ROCK2: variants seen among roughly 807,000 people sequenced by gnomAD.
ROCK2 encodes the protein rho-associated protein kinase 2.
A neutral mutation model predicts 195.1 loss-of-function variants in ROCK2; 61 were observed. That is an observed-to-expected ratio of 0.31 (90% CI 0.25 to 0.39). The LOEUF is 0.39. Among genes scored for constraint, ROCK2 ranks in the 10% least tolerant of loss-of-function variants. The probability of loss-of-function intolerance (pLI) is 1.00; values close to 1 mark genes in which losing one functional copy is unlikely to be tolerated. For missense variants in ROCK2, 1,109 were observed against 1,637.4 expected, an observed-to-expected ratio of 0.68 and a Z score of 5.57; for synonymous variants, 504 against 545.5, an observed-to-expected ratio of 0.92 and a Z score of 1.06.
At chr2:11,241,487 A>G (rs1302624611) in intron 4 of ROCK2, among the ~76,000 whole-genome samples, 4 of 152,196 alleles carry the variant, frequency 2.6e-5, no homozygotes, top group South Asian at 2.1e-4. Flanking sequence ...CTATAAACCC[A>G]TAATTCTAAG....
upstream of ROCK2, among the ~76,000 whole-genome samples, chr2:11,344,922 C>T (rs975100750): frequency 1.5e-5 from 2 of 130,726 alleles, no homozygotes; most frequent in African/African-American, 5.0e-5. The surrounding 1 kb of genome is among the most constrained non-coding windows in gnomAD (Gnocchi z 5.4). Flanking sequence ...GGTCCTTCCG[C>T]GCGCCCCCTG....
In ROCK2 at chr2:11,194,306, G is replaced by T; in HGVS notation, c.3558C>A (p.Asp1186Glu). ...IVSSKKILFYDSEQDKEQSNP... is the reference protein window; with the variant it reads ...IVSSKKILFYESEQDKEQSNP... ...TGGATTGTTCTTTATCTTGTTCACT[G>T]TCATAGAAAAGAATCTTCTTACTGC... The change falls in exon 29 of 33, where the codon GAC becomes GAA. Residue 1186 changes from aspartate (D) to glutamate (E), a missense_variant. Asp to Glu is a conservative substitution (Grantham distance 45, BLOSUM62 2). This residue lies in a region of ROCK2 where 221 missense variants were observed against 355.1 expected (regional missense o/e 0.62). Coordinates refer to ENST00000315872, the MANE Select transcript of ROCK2 (RefSeq NM_004850.5). The T allele has an allele frequency of 1.4e-6, 2 of 1,474,852 alleles. No homozygotes were observed. The highest frequency in any genetic ancestry group is 9.2e-7 in the Non-Finnish European group (1 of 1,087,552). The allele number at this position is 1,474,852 out of a possible 1,614,324, so 91.4% of individuals were successfully genotyped here. A position where few individuals can be genotyped will look rare whatever the true frequency, so the allele number is the denominator to read the frequency against.
intron 3 of ROCK2, among the ~76,000 whole-genome samples, chr2:11,273,707 T>C (rs1357934770): frequency 6.6e-6 from 1 of 152,124 alleles, no homozygotes; most frequent in African/African-American, 2.4e-5. Context: ...TGGGACATTT[T>C]CCAAAACAGA....
intron 1 of ROCK2, among the ~76,000 whole-genome samples, chr2:11,289,723 A>C (rs540570471): frequency 2.0e-5 from 3 of 152,350 alleles, no homozygotes; most frequent in African/African-American, 7.2e-5. Flanking sequence ...GACATTAATA[A>C]AAGAATGAAA....
At chr2:11,259,379 G>A (rs542732432) in intron 3 of ROCK2, among the ~76,000 whole-genome samples, 1 of 151,356 alleles carries the variant, frequency 6.6e-6, no homozygotes, top group Admixed American at 6.5e-5. Context: ...CAAGACAAAT[G>A]TTTAAGCCAA....
chr2:11,291,669 G>A (rs1667367332), intron 1 of ROCK2, among the ~76,000 whole-genome samples: 1 of 152,174 alleles, frequency 6.6e-6, no homozygotes, highest in Non-Finnish European at 1.5e-5. Context: ...CAATATGATG[G>A]AGATACCCTC....
upstream of ROCK2, chr2:11,344,712 C>A: frequency 6.7e-6 from 1 of 148,300 alleles, no homozygotes; most frequent in South Asian, 1.9e-4. This position sits in a 1 kb window ranked among gnomAD's most constrained non-coding sequence, Gnocchi z 5.4. Flanking sequence ...GCCCTGCGCG[C>A]GCTCCGCCCC....
intron 18 of ROCK2, among the ~76,000 whole-genome samples, chr2:11,209,489 G>A (rs1664176304): frequency 6.6e-6 from 1 of 152,194 alleles, no homozygotes; most frequent in East Asian, 1.9e-4. Flanking sequence ...AAACGGTATA[G>A]AAAGTGGAGA....
rs115912730 is a variant in ROCK2, at chr2:11,321,752, T to C, written c.141+22244A>G. ...ACTCGATCACAAGTTTTCATATACA[T>C]ATTCATTCTTTGAAGCATCTTCAGT... On this transcript the variant is annotated intron_variant, in intron 1 of 32. Coordinates refer to ENST00000315872, the MANE Select transcript of ROCK2 (RefSeq NM_004850.5). Among the ~76,000 whole-genome samples the C allele has an allele frequency of 8.9e-3, 1,358 of 152,158 alleles. 16 individuals carry two copies. The highest frequency in any genetic ancestry group is 0.031 in the African/African-American group (1,283 of 41,522).
chr2:11,266,371 T>A (rs1003963294), intron 3 of ROCK2, among the ~76,000 whole-genome samples: 2 of 152,220 alleles, frequency 1.3e-5, no homozygotes, highest in Admixed American at 1.3e-4. Context: ...AAAGGAATTT[T>A]TCAGCTCCAT....
intron 3 of ROCK2, among the ~76,000 whole-genome samples, chr2:11,284,443 T>C (rs1667116984): frequency 6.6e-6 from 1 of 152,184 alleles, no homozygotes; most frequent in African/African-American, 2.4e-5. Flanking sequence ...GTAACAAATG[T>C]ACTCTAATGA....
chr2:11,233,639 T>C lies in ROCK2; in HGVS notation c.723+2063A>G, dbSNP rs1665101319. Among the ~76,000 whole-genome samples, 4 of 152,100 alleles carry C rather than the reference T, an allele frequency of 2.6e-5. No individual in the cohort carries two copies. The South Asian group carries it at 6.2e-4, about 24-fold the overall frequency. ...AAGGTAAATTGATTGATAGATACTA[T>C]GGAATACTAAGCAGCAGAAAGAAGC... On this transcript the variant is annotated intron_variant, in intron 5 of 32. Coordinates refer to ENST00000315872, the MANE Select transcript of ROCK2 (RefSeq NM_004850.5).
At position 11,324,979 on chromosome 2, in the gene ROCK2, A is replaced by C. The variant is rs866752890; in HGVS notation, c.141+19017T>G. Among the ~76,000 whole-genome samples the C allele has an allele frequency of 3.9e-5, 6 of 152,374 alleles. No homozygotes were observed. The South Asian group carries it at 6.2e-4, about 16-fold the overall frequency. On this transcript the variant is annotated intron_variant, in intron 1 of 32. Transcript: ENST00000315872. ...TTCTCATAATAGAAATGCTCACAAG[A>C]AGCACGAGTTTCCATCAGCAACTTC... is the stretch of plus-strand genomic sequence containing the variant.
chr2:11,340,274 T>C (rs770269634), intron 1 of ROCK2, among the ~76,000 whole-genome samples: 1 of 152,192 alleles, frequency 6.6e-6, no homozygotes, highest in African/African-American at 2.4e-5. Context: ...GGCATTATTA[T>C]TTACATCAAG....
intron 3 of ROCK2, among the ~76,000 whole-genome samples, chr2:11,253,764 A>C (rs1329106702): frequency 3.9e-5 from 6 of 152,224 alleles, no homozygotes; most frequent in Non-Finnish European, 8.8e-5. Context: ...CACACCATCA[A>C]TTTCCAGTTT....
At position 11,338,949 on chromosome 2, in the gene ROCK2, T is replaced by C. The variant is rs906132084; in HGVS notation, c.141+5047A>G. On this transcript the variant is annotated intron_variant, in intron 1 of 32. Coordinates refer to ENST00000315872, the MANE Select transcript of ROCK2 (RefSeq NM_004850.5). Reference sequence around the variant, plus strand: ...AAATCAGAAGAATGACTGCCTCTAATAGAAGAAAATGGTGTGTGAAATTAG... The same window carrying C: ...AAATCAGAAGAATGACTGCCTCTAACAGAAGAAAATGGTGTGTGAAATTAG... Among the ~76,000 whole-genome samples the C allele has an allele frequency of 5.3e-5, 8 of 151,508 alleles. 1 individual carries two copies. The highest frequency in any genetic ancestry group is 4.2e-4 in the South Asian group (2 of 4,810).
At chr2:11,240,552 G>A (rs1039990654) in intron 4 of ROCK2, among the ~76,000 whole-genome samples, 1 of 152,200 alleles carries the variant, frequency 6.6e-6, no homozygotes, top group African/African-American at 2.4e-5. Context: ...TATAAGACCT[G>A]TCTAGAAAAA....
Position 11,294,152 on chromosome 2 carries a change from C to T in ROCK2, c.142-6416G>A, listed in dbSNP as rs554591452. ...AGCCTGGGTGACAGAGTGAGACTCCCGTCTCAAAAAAAAATTTAAAAAAAA... is the reference window on the plus strand; with the variant it reads ...AGCCTGGGTGACAGAGTGAGACTCCTGTCTCAAAAAAAAATTTAAAAAAAA... On this transcript the variant is annotated intron_variant, in intron 1 of 32. Transcript: ENST00000315872. Among the ~76,000 whole-genome samples the T allele has an allele frequency of 3.5e-3, 525 of 149,212 alleles. 2 individuals carry two copies. The highest frequency in any genetic ancestry group is 0.016 in the South Asian group (77 of 4,706).
intron 20 of ROCK2, among the ~76,000 whole-genome samples, chr2:11,206,456 A>AG: frequency 6.6e-6 from 1 of 152,234 alleles, no homozygotes; most frequent in East Asian, 1.9e-4. Context: ...GCTAATATAC[A>AG]GAAAAAAAAC....
Sources: allele counts gnomAD v4.1 joint callset (sites outside exome capture counted in the v4.1 genomes callset), GRCh38; gene constraint gnomAD v4.1.1; regional missense constraint gnomAD v4.1.1; non-coding constraint Gnocchi (gnomAD v3.1); transcripts MANE v1.5; gene names NCBI Gene and HGNC (gene_info 2026-07-23, HGNC 2026-07-21).